The following AGO3 variants were observed in gnomAD, a reference collection of about 807,000 sequenced individuals.
The protein encoded by AGO3 is protein argonaute-3.
In AGO3, 16 loss-of-function variants were observed where a neutral mutation model predicts 105.5. The ratio of observed to expected loss-of-function variants is 0.15; its 90% CI spans 0.10 to 0.23. AGO3 has a LOEUF of 0.23. AGO3 is among the 10% of genes least tolerant of loss of function. The probability of loss-of-function intolerance (pLI) is 1.00; values close to 1 mark genes in which losing one functional copy is unlikely to be tolerated. For synonymous variants in AGO3, 340 were observed against 367.3 expected (o/e 0.93, Z 0.85); for missense variants, 534 against 1,088.0 (o/e 0.49, Z 7.16).
Position 36,055,183 on chromosome 1 carries a change from A to T in AGO3, c.2474+38A>T. On this transcript the variant is annotated intron_variant, in intron 18 of 18. Coordinates refer to ENST00000373191, the MANE Select transcript of AGO3 (RefSeq NM_024852.4). The surrounding 1 kb of genome is among the most constrained non-coding windows in gnomAD (Gnocchi z 4.4). ...CATAACAGGTTCTCACCCAAATCCC[A>T]ATATTGTCTGCATGGTAGGATTTTC... is the stretch of plus-strand genomic sequence containing the variant. 6.5e-7 allele frequency: 1 copy of T among 1,546,862 alleles called. No homozygotes were observed. The highest frequency in any genetic ancestry group is 8.8e-7 in the Non-Finnish European group (1 of 1,141,620).
At chr1:35,933,558 A>G (rs1252366635) in intron 1 of AGO3, among the ~76,000 whole-genome samples, 1 of 139,158 alleles carries the variant, frequency 7.2e-6, no homozygotes, top group Non-Finnish European at 1.5e-5. Context: ...AGGAGAATGG[A>G]TTGAGCCCAG....
At chr1:36,011,190 G>T (rs947264696) in intron 9 of AGO3, among the ~76,000 whole-genome samples, 16 of 152,064 alleles carry the variant, frequency 1.1e-4, no homozygotes, top group African/African-American at 3.9e-4. Context: ...CTGGAAATAT[G>T]AATATTTCCC....
In AGO3 at chr1:36,026,959, C is replaced by A. The variant is rs538378913; in HGVS notation, c.1407-155C>A. Among the ~76,000 whole-genome samples the A allele has an allele frequency of 8.0e-4, 122 of 152,344 alleles. 1 individual carries two copies. The highest frequency in any genetic ancestry group is 2.8e-3 in the African/African-American group (118 of 41,574). On this transcript the variant is annotated intron_variant, in intron 11 of 18. Transcript: ENST00000373191. The stretch of plus-strand genomic sequence containing the variant: ...TTTGCAAAATGGATTACTGACAGAC[C>A]ATTACGCTTAACATCAGTAGTCTGG...
chr1:35,946,238 C>T (rs753353195), intron 2 of AGO3, among the ~76,000 whole-genome samples: 19 of 152,082 alleles, frequency 1.2e-4, no homozygotes, highest in South Asian at 4.1e-4. Flanking sequence ...TTTAAGATGA[C>T]GGTGGTGATG....
chr1:36,044,116 G>A (rs1642361863), intron 17 of AGO3, among the ~76,000 whole-genome samples: 1 of 152,204 alleles, frequency 6.6e-6, no homozygotes, highest in African/African-American at 2.4e-5. Flanking sequence ...AGGCTGAGAT[G>A]GGCAGATTGC....
chr1:36,064,760 T>A lies in AGO3; in HGVS notation c.*9015T>A, dbSNP rs1643068529. 1 of 152,286 alleles carries A rather than the reference T, an allele frequency of 6.6e-6. No individual in the cohort carries two copies. The highest frequency in any genetic ancestry group is 1.5e-5 in the Non-Finnish European group (1 of 68,076). The allele number at this position is 152,286 out of a possible 1,614,324, so 9.4% of individuals were successfully genotyped here. On this transcript the variant is annotated 3_prime_UTR_variant, in exon 19 of 19. Transcript: ENST00000373191. The stretch of plus-strand genomic sequence containing the variant: ...TTTTGCCAGTTACATTAGTTTGCCC[T>A]ATGATATACTATTCTGAGATACTTC...
intron 5 of AGO3, among the ~76,000 whole-genome samples, chr1:35,996,812 T>C (rs1569688965): frequency 6.6e-6 from 1 of 151,106 alleles, no homozygotes; most frequent in East Asian, 1.9e-4. Flanking sequence ...AGTGAGCCCT[T>C]GAGAAGATGC....
In AGO3 at chr1:36,008,697, G is replaced by A. The variant is rs773956340; in HGVS notation, c.801G>A (p.Lys267=). The change falls in exon 7 of 19, where the codon AAG becomes AAA. Residue 267 remains lysine (K), a synonymous_variant. Coordinates refer to ENST00000373191, the MANE Select transcript of AGO3 (RefSeq NM_024852.4). This position sits in a 1 kb window ranked among gnomAD's most constrained non-coding sequence, Gnocchi z 5.1. The stretch of plus-strand genomic sequence containing the variant: ...TTTTCTTGTTGGGAACAGGTTTGAA[G>A]GTTGAAGTGACTCATTGTGGAACAA... ...VKFTKEIKGL[K]VEVTHCGTMR... 1 of 1,614,086 alleles carries A rather than the reference G, an allele frequency of 6.2e-7. No homozygotes were observed. Among genetic ancestry groups the A allele is most frequent in the Admixed American group, 1.7e-5 (1 of 60,018 alleles).
intron 5 of AGO3, chr1:35,983,473 C>T (rs997412002): frequency 3.3e-5 from 5 of 151,586 alleles, no homozygotes; most frequent in Non-Finnish European, 7.4e-5. Context: ...ACTTGTAGTC[C>T]CAGCTGCTAG....
At chr1:35,942,900 G>A (rs1171587219) in intron 1 of AGO3, among the ~76,000 whole-genome samples, 4 of 151,994 alleles carry the variant, frequency 2.6e-5, no homozygotes, top group Non-Finnish European at 2.9e-5. Flanking sequence ...CTCAACTCCC[G>A]GTGACCACAC....
At chr1:36,034,528 C>T (rs1641920482) in intron 13 of AGO3, among the ~76,000 whole-genome samples, 195 bp downstream of exon 13, 1 of 152,056 alleles carries the variant, frequency 6.6e-6, no homozygotes, top group African/African-American at 2.4e-5. Context: ...AAATGCCCCC[C>T]ACAATTTTAT....
intron 17 of AGO3, among the ~76,000 whole-genome samples, chr1:36,049,527 AAAAG>A (rs1642614583): frequency 6.6e-6 from 1 of 152,006 alleles, no homozygotes; most frequent in African/African-American, 2.4e-5. Flanking sequence ...AAAAAAAAAA[AAAAG>A]AAAAGAAAAA....
At chr1:36,033,862 C>T (rs150255456) in intron 12 of AGO3, among the ~76,000 whole-genome samples, 161 of 152,044 alleles carry the variant, frequency 1.1e-3, no homozygotes, top group African/African-American at 3.7e-3. Flanking sequence ...TACTATAAAA[C>T]GATAACAAGG....
chr1:35,945,664 C>A, intron 1 of AGO3, 28 bp from the exon 2 acceptor site: 1 of 1,604,986 alleles, frequency 6.2e-7, no homozygotes, highest in South Asian at 1.1e-5. Context: ...GTAACTGTGA[C>A]TCTTTTTTTT....
chr1:36,048,200 T>C (rs940996559), intron 17 of AGO3, among the ~76,000 whole-genome samples: 1 of 151,892 alleles, frequency 6.6e-6, no homozygotes, highest in Non-Finnish European at 1.5e-5. Context: ...TAGAGGATCA[T>C]GTGAGCTCAG....
intron 3 of AGO3, among the ~76,000 whole-genome samples, chr1:35,970,917 A>G (rs1646856151): frequency 6.6e-6 from 1 of 150,804 alleles, no homozygotes. Context: ...TGTAGAGACT[A>G]GGTCTTGCTC....
rs1643129446 is a variant in AGO3 at position 36,069,040 on chromosome 1, TG to T, written c.*13296del. The T allele has an allele frequency of 2.0e-5, 3 of 152,250 alleles. No homozygotes were observed. The highest frequency in any genetic ancestry group is 4.4e-5 in the Non-Finnish European group (3 of 68,052). The allele number at this position is 152,250 out of a possible 1,614,324, so 9.4% of individuals were successfully genotyped here. The stretch of plus-strand genomic sequence containing the variant: ...CCTTAGGCAATTCGTTTAATCTCTG[TG>T]TGCCTAGTTTCCCCTTGTAAATAAG... On this transcript the variant is annotated 3_prime_UTR_variant, in exon 19 of 19. Coordinates refer to ENST00000373191, the MANE Select transcript of AGO3 (RefSeq NM_024852.4).
At chr1:35,997,312 T>C (rs538143136) in intron 5 of AGO3, among the ~76,000 whole-genome samples, 1 of 152,058 alleles carries the variant, frequency 6.6e-6, no homozygotes, top group Non-Finnish European at 1.5e-5. Flanking sequence ...AAAAATAGTT[T>C]GGCAGTTTAT....
intron 14 of AGO3, among the ~76,000 whole-genome samples, chr1:36,038,535 G>T (rs371270399): frequency 6.6e-6 from 1 of 152,046 alleles, no homozygotes; most frequent in Non-Finnish European, 1.5e-5. Context: ...GATTACAGGC[G>T]TGAGCTACCG....
Sources: gnomAD v4.1 joint callset for allele counts (sites outside exome capture counted in the v4.1 genomes callset) on GRCh38, gnomAD v4.1.1 for gene constraint, Gnocchi (gnomAD v3.1) non-coding constraint, MANE v1.5 for transcripts, NCBI Gene and HGNC (gene_info 2026-07-23, HGNC 2026-07-21) for gene names.